Variants in MND1 observed in about 807,000 individuals in gnomAD.
The protein encoded by MND1 is meiotic nuclear division protein 1 homolog.
A neutral mutation model predicts 35.1 loss-of-function variants in MND1; 28 were observed. That is an observed-to-expected ratio of 0.80 (90% confidence interval 0.59 to 1.09). The LOEUF is 1.09. Ranked by LOEUF, MND1 falls within the 50% of genes least tolerant of loss-of-function variation. The pLI is 0.00. For missense variants in MND1, 213 were observed against 239.6 expected, an observed-to-expected ratio of 0.89 and a Z score of 0.73; for synonymous variants, 69 against 70.5, an observed-to-expected ratio of 0.98 and a Z score of 0.11.
At chr4:153,354,144 G>GTT (rs79558299) in intron 2 of MND1, among the ~76,000 whole-genome samples, 285 of 149,730 alleles carry the variant, frequency 1.9e-3, no homozygotes, top group African/African-American at 5.9e-3. Context: ...TTCTAGACAG[G>GTT]TTTTTTTTTT....
At chr4:153,368,714 A>G (rs949024856) in intron 4 of MND1, among the ~76,000 whole-genome samples, 3 of 152,194 alleles carry the variant, frequency 2.0e-5, no homozygotes, top group African/African-American at 7.2e-5. Context: ...GCATCATGAG[A>G]TACTGTACTA....
intron 7 of MND1, among the ~76,000 whole-genome samples, chr4:153,412,555 T>G: frequency 6.6e-6 from 1 of 150,966 alleles, no homozygotes; most frequent in Non-Finnish European, 1.5e-5. Context: ...CAATCTCAGC[T>G]CATCGCAACC....
chr4:153,399,818 G>T (rs1054551922), intron 6 of MND1, among the ~76,000 whole-genome samples: 1 of 150,050 alleles, frequency 6.7e-6, no homozygotes, highest in African/African-American at 2.5e-5. Flanking sequence ...TTGTGAATGA[G>T]TATTATGAGT....
At chr4:153,414,285 CT>C (rs72529287) in intron 7 of MND1, among the ~76,000 whole-genome samples, 10,568 of 147,184 alleles carry the variant, frequency 0.072, 621 homozygotes, top group African/African-American at 0.17. Flanking sequence ...TATTTAAATA[CT>C]TTTTTTTTTT....
intron 4 of MND1, among the ~76,000 whole-genome samples, chr4:153,366,453 G>C (rs2149638033): frequency 6.6e-6 from 1 of 152,324 alleles, no homozygotes; most frequent in East Asian, 1.9e-4. Context: ...CAGAAATTCA[G>C]CTTTGACCAT....
intron 4 of MND1, among the ~76,000 whole-genome samples, chr4:153,369,243 A>T (rs1421070796): frequency 1.3e-5 from 2 of 152,206 alleles, no homozygotes; most frequent in African/African-American, 4.8e-5. Context: ...AAGCAAGCTC[A>T]TGTGTGAGAG....
At chr4:153,368,970 G>A (rs1292479818) in intron 4 of MND1, among the ~76,000 whole-genome samples, 15 of 152,194 alleles carry the variant, frequency 9.9e-5, no homozygotes, top group Non-Finnish European at 1.3e-4. Flanking sequence ...ATCCCAGCAT[G>A]GCTTAGTTGG....
intron 6 of MND1, among the ~76,000 whole-genome samples, chr4:153,405,014 T>A (rs1379138616): frequency 1.3e-5 from 2 of 152,008 alleles, no homozygotes; most frequent in Non-Finnish European, 2.9e-5. Context: ...GGAATCCAGG[T>A]GTGAGCTATT....
chr4:153,400,820 A>G (rs1400251603), intron 6 of MND1, among the ~76,000 whole-genome samples: 2 of 152,200 alleles, frequency 1.3e-5, no homozygotes. Context: ...AATGAGCAGA[A>G]TACTCCATCA....
At chr4:153,360,827 A>G (rs1236709682) in intron 4 of MND1, among the ~76,000 whole-genome samples, 2 of 151,628 alleles carry the variant, frequency 1.3e-5, no homozygotes, top group Non-Finnish European at 2.9e-5. Flanking sequence ...ATATACACAT[A>G]TATATACACA....
chr4:153,394,458 T>C (rs1729145608), intron 5 of MND1, 122 bp downstream of exon 5: 2 of 672,478 alleles, frequency 3.0e-6, no homozygotes, highest in Non-Finnish European at 2.4e-6. Context: ...TAGCCAAGGA[T>C]AGGAACGTTT....
chr4:153,407,274 A>AC (rs776583109), intron 6 of MND1, among the ~76,000 whole-genome samples: 2 of 152,118 alleles, frequency 1.3e-5, no homozygotes, highest in Non-Finnish European at 2.9e-5. Flanking sequence ...GACCAGCCTG[A>AC]CCAACATGGT....
chr4:153,344,968 G>C (rs1237172610), intron 1 of MND1, among the ~76,000 whole-genome samples: 1 of 152,184 alleles, frequency 6.6e-6, no homozygotes, highest in African/African-American at 2.4e-5. Flanking sequence ...CGAGGCGCGG[G>C]GGCATCCGCG....
intron 2 of MND1, among the ~76,000 whole-genome samples, chr4:153,351,033 AT>A (rs1773205798): frequency 6.6e-6 from 1 of 151,956 alleles, no homozygotes. Context: ...GTCATTGGCA[AT>A]TCAGAACAGG....
chr4:153,383,418 C>G (rs1375486608), intron 4 of MND1, among the ~76,000 whole-genome samples: 1 of 152,136 alleles, frequency 6.6e-6, no homozygotes, highest in Non-Finnish European at 1.5e-5. Flanking sequence ...CACAAAGAAC[C>G]CAGAAGTGTG....
At chr4:153,382,437 TG>T (rs1728736795) in intron 4 of MND1, among the ~76,000 whole-genome samples, 1 of 152,228 alleles carries the variant, frequency 6.6e-6, no homozygotes, top group African/African-American at 2.4e-5. Context: ...ATATAGCCCA[TG>T]GAAGGGAAGG....
intron 4 of MND1, among the ~76,000 whole-genome samples, chr4:153,390,824 T>C (rs1364462333): frequency 6.6e-6 from 1 of 151,396 alleles, no homozygotes; most frequent in African/African-American, 2.4e-5. Flanking sequence ...TTCCAGCCCC[T>C]GTCTCAAAAA....
chr4:153,383,882 G>A (rs1035982373), intron 4 of MND1, among the ~76,000 whole-genome samples: 2 of 152,194 alleles, frequency 1.3e-5, no homozygotes, highest in African/African-American at 2.4e-5. Context: ...TACTAAGAAA[G>A]AATGGATATT....
At chr4:153,362,166 C>G (rs1773511835) in intron 4 of MND1, among the ~76,000 whole-genome samples, 1 of 152,100 alleles carries the variant, frequency 6.6e-6, no homozygotes, top group African/African-American at 2.4e-5. Context: ...TTTTCCTATA[C>G]TGTTCTATTT....
Sources: allele counts gnomAD v4.1 joint callset (sites outside exome capture counted in the v4.1 genomes callset), GRCh38; gene constraint gnomAD v4.1.1; transcripts MANE v1.5; gene names NCBI Gene and HGNC (gene_info 2026-07-23, HGNC 2026-07-21).